Variants in GALNT11 observed in about 807,000 individuals in gnomAD.
The protein encoded by GALNT11 is UDP-GalNAc:polypeptide N-acetylgalactosaminyltransferase 11.
GALNT11 carries 47 observed loss-of-function variants against 72.7 expected under a neutral mutation model. The ratio of observed to expected loss-of-function variants is 0.65; its 90% confidence interval spans 0.51 to 0.82. GALNT11 has a LOEUF of 0.82. GALNT11 is among the 40% of genes least tolerant of loss of function. The pLI is 0.00. For missense variants in GALNT11, 677 were observed against 778.4 expected (o/e 0.87, Z 1.55); for synonymous variants, 270 against 286.6 (o/e 0.94, Z 0.58).
chr7:152,111,064 G>T (rs1015566239), intron 7 of GALNT11, among the ~76,000 whole-genome samples: 2 of 152,104 alleles, frequency 1.3e-5, no homozygotes, highest in Non-Finnish European at 2.9e-5. Flanking sequence ...GATAATATCT[G>T]TTCGAAATGT....
chr7:152,068,459 T>G (rs1192908977), intron 1 of GALNT11, among the ~76,000 whole-genome samples: 1 of 152,240 alleles, frequency 6.6e-6, no homozygotes, highest in Non-Finnish European at 1.5e-5. Context: ...CGGTTATAAA[T>G]AAAGCTGCTG....
At chr7:152,117,537 G>A (rs953555055) in intron 9 of GALNT11, 162 bp downstream of exon 9, 4 of 686,442 alleles carry the variant, frequency 5.8e-6, no homozygotes, top group Admixed American at 2.9e-5. Context: ...ACTTCTCTAC[G>A]CAAGTGTAGG....
chr7:152,080,956 G>A (rs935556615), intron 1 of GALNT11, among the ~76,000 whole-genome samples: 1 of 152,086 alleles, frequency 6.6e-6, no homozygotes, highest in Non-Finnish European at 1.5e-5. Context: ...GGCGACAAGA[G>A]CGAAACTCTG....
At position 152,121,400 on chromosome 7, in the gene GALNT11, G is replaced by A. The variant is rs756114632; in HGVS notation, c.1696-146G>A. The A allele has an allele frequency of 2.2e-5, 19 of 856,868 alleles. No individual in the cohort carries two copies. In the Admixed American group the frequency reaches 3.9e-4, roughly 17 times the overall value. The allele number at this position is 856,868 out of a possible 1,614,324, so 53.1% of individuals were successfully genotyped here. On this transcript the variant is annotated intron_variant, in intron 11 of 11. Transcript: ENST00000430044. ...AAATATCTTATTGTATTGTGCTGCA[G>A]ATAACAAACAGCAGAAAACTAACCT... is the stretch of plus-strand genomic sequence containing the variant.
chr7:152,120,949 C>G lies in GALNT11; in HGVS notation c.1676C>G (p.Ser559Cys). The change falls in exon 11 of 12, where the codon TCC (serine) becomes TGC (cysteine). Residue 559 changes from serine (S) to cysteine (C), a missense_variant. Transcript: ENST00000430044. ...RLMKCHGSGG[S>C]QQWTFGKNNR... ...ATGAAATGCCACGGGTCAGGAGGAT[C>G]CCAGCAGTGGACCTTTGGGGTGAGG... is the stretch of plus-strand genomic sequence containing the variant. 6.2e-7 allele frequency: 1 copy of G among 1,613,918 alleles called. No individual in the cohort carries two copies.
chr7:152,116,400 C>T (rs1309344857), intron 8 of GALNT11, among the ~76,000 whole-genome samples: 1 of 152,090 alleles, frequency 6.6e-6, no homozygotes, highest in South Asian at 2.1e-4. Flanking sequence ...CCACTCCCAA[C>T]TAATTTTTGT....
At chr7:152,113,707 G>GCTTT (rs1237716026) in intron 8 of GALNT11, among the ~76,000 whole-genome samples, 11 of 112,682 alleles carry the variant, frequency 9.8e-5, no homozygotes, top group Admixed American at 4.7e-4. Context: ...GCAAAAGTTG[G>GCTTT]CTTTCTTTTT....
At chr7:152,043,503 A>G (rs1206861144) in intron 1 of GALNT11, among the ~76,000 whole-genome samples, 5 of 152,186 alleles carry the variant, frequency 3.3e-5, no homozygotes, top group Non-Finnish European at 4.4e-5. Context: ...TAAAAGGAAA[A>G]GGCTCAAATG....
intron 1 of GALNT11, among the ~76,000 whole-genome samples, chr7:152,057,693 T>G (rs1469972492): frequency 1.3e-5 from 2 of 152,208 alleles, no homozygotes; most frequent in African/African-American, 4.8e-5. Flanking sequence ...AGCGTAGCCT[T>G]AGATTTACAG....
At chr7:152,087,526 C>G (rs543936063) in intron 1 of GALNT11, among the ~76,000 whole-genome samples, 5 of 152,234 alleles carry the variant, frequency 3.3e-5, no homozygotes, top group African/African-American at 1.2e-4. Flanking sequence ...ACTTGCAGGT[C>G]TTTGTAGGGA....
At chr7:152,036,760 G>A (rs1016775966) in intron 1 of GALNT11, among the ~76,000 whole-genome samples, 16 of 152,146 alleles carry the variant, frequency 1.1e-4, no homozygotes, top group African/African-American at 3.9e-4. Context: ...ATTATTGCCT[G>A]TCTTTTGGAT....
intron 1 of GALNT11, among the ~76,000 whole-genome samples, chr7:152,041,206 C>T (rs558317431): frequency 6.6e-6 from 1 of 152,180 alleles, no homozygotes; most frequent in African/African-American, 2.4e-5. Context: ...AGCATAACCT[C>T]TACTCCAAGT....
In GALNT11 at chr7:152,080,360, A is replaced by G. The variant is rs141930480; in HGVS notation, c.-38-13830A>G. On this transcript the variant is annotated intron_variant, in intron 1 of 11. Transcript: ENST00000430044. ...ATAGTTGTTCTTATATTTTCAAGTT[A>G]GGGAGTTTCTGTCTAAGAAATTTTT... is the stretch of plus-strand genomic sequence containing the variant. Among the ~76,000 whole-genome samples, 576 of 152,284 alleles carry G rather than the reference A, an allele frequency of 3.8e-3. 5 individuals are homozygous for G. The highest frequency in any genetic ancestry group is 0.013 in the African/African-American group (556 of 41,544).
At chr7:152,111,568 C>T (rs1036775756) in intron 7 of GALNT11, among the ~76,000 whole-genome samples, 8 of 152,152 alleles carry the variant, frequency 5.3e-5, no homozygotes, top group African/African-American at 1.9e-4. Context: ...TACTTCATCC[C>T]TCACTCCTCT....
At chr7:152,071,229 G>T (rs565851885) in intron 1 of GALNT11, among the ~76,000 whole-genome samples, 1 of 152,340 alleles carries the variant, frequency 6.6e-6, no homozygotes, top group East Asian at 1.9e-4. Flanking sequence ...GGAGCGCTAT[G>T]GGAGACTGGG....
At chr7:152,035,182 A>G (rs1437838902) in intron 1 of GALNT11, among the ~76,000 whole-genome samples, 1 of 152,168 alleles carries the variant, frequency 6.6e-6, no homozygotes, top group Non-Finnish European at 1.5e-5. Context: ...GGATCCTAAA[A>G]TTCCGGATAA....
intron 1 of GALNT11, among the ~76,000 whole-genome samples, chr7:152,048,670 C>T (rs2152025993): frequency 6.6e-6 from 1 of 151,934 alleles, no homozygotes; most frequent in Non-Finnish European, 1.5e-5. Context: ...GCTGGGACTA[C>T]AGGCACCCAC....
chr7:152,082,889 G>A (rs2129022873), intron 1 of GALNT11, among the ~76,000 whole-genome samples: 1 of 152,288 alleles, frequency 6.6e-6, no homozygotes, highest in South Asian at 2.1e-4. Flanking sequence ...ACTTCTCTTA[G>A]TATAAGCAGG....
chr7:152,076,811 T>G (rs2085011197), intron 1 of GALNT11, among the ~76,000 whole-genome samples: 1 of 152,246 alleles, frequency 6.6e-6, no homozygotes, highest in Non-Finnish European at 1.5e-5. Context: ...CAGCATGAGC[T>G]AGGATCTGGT....
Sources: allele counts gnomAD v4.1 joint callset (sites outside exome capture counted in the v4.1 genomes callset), GRCh38; gene constraint gnomAD v4.1.1; transcripts MANE v1.5; gene names NCBI Gene and HGNC (gene_info 2026-07-23, HGNC 2026-07-21).